SIRPA: variants seen among roughly 807,000 people sequenced by gnomAD.
The protein encoded by SIRPA is tyrosine-protein phosphatase non-receptor type substrate 1.
A neutral mutation model predicts 50.3 loss-of-function variants in SIRPA; 9 were observed. That is an observed-to-expected ratio of 0.18 (90% CI 0.11 to 0.31). The LOEUF (loss-of-function observed/expected upper bound fraction) is 0.31, where lower values mean the gene tolerates loss of function less well. Among genes scored for constraint, SIRPA ranks in the 10% least tolerant of loss-of-function variants. The probability of loss-of-function intolerance (pLI) is 1.00; values close to 1 mark genes in which losing one functional copy is unlikely to be tolerated. For missense variants in SIRPA, 474 were observed against 661.6 expected, an observed-to-expected ratio of 0.72 and a Z score of 3.11; for synonymous variants, 265 against 284.1, an observed-to-expected ratio of 0.93 and a Z score of 0.68.
At chr20:1,917,067 T>G (rs889080340) in intron 2 of SIRPA, among the ~76,000 whole-genome samples, 1 of 152,096 alleles carries the variant, frequency 6.6e-6, no homozygotes, top group Non-Finnish European at 1.5e-5. Context: ...GACCCAGATC[T>G]GCTGACTCCT....
rs1405319470 is a variant in SIRPA at position 1,937,289 on chromosome 20, A to G, written c.1267-31A>G. 2.1e-5 allele frequency: 33 copies of G among 1,600,962 alleles called. No individual in the cohort carries two copies. Among genetic ancestry groups the G allele is most frequent in the African/African-American group, 4.0e-5 (3 of 74,656 alleles). ...CCAGGGGCTATAGAATGACCTTCTC[A>G]TGACTTTCTCTTTGGGTATCTTAAA... On this transcript the variant is annotated intron_variant, in intron 7 of 7. Coordinates refer to ENST00000358771, the MANE Select transcript of SIRPA (RefSeq NM_001040023.2). The surrounding 1 kb of genome is among the most constrained non-coding windows in gnomAD (Gnocchi z 8.3).
intron 1 of SIRPA, among the ~76,000 whole-genome samples, chr20:1,913,647 C>T (rs1025974981): frequency 7.2e-5 from 11 of 152,202 alleles, no homozygotes; most frequent in South Asian, 4.1e-4. Flanking sequence ...ACCTGGTTCT[C>T]TCCTTCTCCC....
In SIRPA at chr20:1,936,751, C is replaced by A. The variant is rs1986596047; in HGVS notation, c.1267-569C>A. Among the ~76,000 whole-genome samples, 1 of 152,152 alleles carries A rather than the reference C, an allele frequency of 6.6e-6. No individual in the cohort carries two copies. Among genetic ancestry groups the A allele is most frequent in the Non-Finnish European group, 1.5e-5 (1 of 68,038 alleles). On this transcript the variant is annotated intron_variant, in intron 7 of 7. Transcript: ENST00000358771. The surrounding 1 kb of genome is among the most constrained non-coding windows in gnomAD (Gnocchi z 4.2). Reference sequence around the variant, plus strand: ...AATAAACGCATACATTAATGAATGTCCCCACACGTACCACCATCAGCAGCA... The same window carrying A: ...AATAAACGCATACATTAATGAATGTACCCACACGTACCACCATCAGCAGCA...
At chr20:1,913,821 T>A (rs6081134) in intron 1 of SIRPA, among the ~76,000 whole-genome samples, 63,354 of 151,970 alleles carry the variant, frequency 0.42, 13,500 homozygotes, top group East Asian at 0.66. Context: ...TTGGTCCCTA[T>A]CCATCTTCAA....
chr20:1,917,357 C>G (rs1985366395), intron 2 of SIRPA, among the ~76,000 whole-genome samples: 2 of 152,198 alleles, frequency 1.3e-5, no homozygotes, highest in Non-Finnish European at 2.9e-5. Context: ...CTCTGTAACA[C>G]TCAGCTATGC....
At chr20:1,895,590 G>A in intron 1 of SIRPA, 64 bp downstream of exon 1, 1 of 1,239,572 alleles carries the variant, frequency 8.1e-7, no homozygotes, top group South Asian at 2.0e-5. Flanking sequence ...CTCTCAGACT[G>A]GCACTGGGAC....
intron 2 of SIRPA, among the ~76,000 whole-genome samples, chr20:1,917,936 G>A (rs1985399610): frequency 6.6e-6 from 1 of 152,180 alleles, no homozygotes; most frequent in Admixed American, 6.5e-5. Context: ...AAGGGAAGGT[G>A]GTGGTCAGTG....
At position 1,932,913 on chromosome 20, in the gene SIRPA, G is replaced by A. The variant is rs1216964350; in HGVS notation, c.1227-1802G>A. Among the ~76,000 whole-genome samples the A allele has an allele frequency of 6.6e-6, 1 of 152,226 alleles. No homozygotes were observed. The highest frequency in any genetic ancestry group is 1.9e-4 in the East Asian group (1 of 5,198). On this transcript the variant is annotated intron_variant, in intron 6 of 7. Coordinates refer to ENST00000358771, the MANE Select transcript of SIRPA (RefSeq NM_001040023.2). The surrounding 1 kb of genome is among the most constrained non-coding windows in gnomAD (Gnocchi z 6.0). ...CACTGAAATAGGAAAATCCAGGGGAGACACAGATATGGGGAAAATGATAAT... is the reference window on the plus strand; with the variant it reads ...CACTGAAATAGGAAAATCCAGGGGAAACACAGATATGGGGAAAATGATAAT...
intron 1 of SIRPA, among the ~76,000 whole-genome samples, chr20:1,909,205 TACAA>T (rs1306483829): frequency 1.3e-5 from 2 of 152,158 alleles, no homozygotes; most frequent in Non-Finnish European, 2.9e-5. Flanking sequence ...GGTCCTTGAG[TACAA>T]ACAAAGAATC....
At chr20:1,915,059 C>T (rs111713867) in intron 1 of SIRPA, 40 bp from the exon 2 acceptor site, 478,262 of 1,366,644 alleles carry the variant, frequency 0.35, 91,396 homozygotes, top group East Asian at 0.65. Flanking sequence ...CAGAGGATCA[C>T]GTAAGGATGA....
In SIRPA at chr20:1,932,994, G is replaced by A. The variant is rs1402793348; in HGVS notation, c.1227-1721G>A. The stretch of plus-strand genomic sequence containing the variant: ...AAGAACCCAATGTTTTGAGAATGGA[G>A]TTTGGGGGTTCAGTGAATATTTCCC... On this transcript the variant is annotated intron_variant, in intron 6 of 7. Transcript: ENST00000358771. The surrounding 1 kb of genome is among the most constrained non-coding windows in gnomAD (Gnocchi z 6.0). Among the ~76,000 whole-genome samples the A allele has an allele frequency of 1.3e-5, 2 of 152,212 alleles. No homozygotes were observed. Among genetic ancestry groups the A allele is most frequent in the Non-Finnish European group, 2.9e-5 (2 of 68,040 alleles).
chr20:1,896,336 C>T (rs1983818070), intron 1 of SIRPA, among the ~76,000 whole-genome samples: 1 of 152,004 alleles, frequency 6.6e-6, no homozygotes, highest in Middle Eastern at 3.2e-3. Flanking sequence ...CTGTCGCCGG[C>T]AGGCGGGCTC....
intron 1 of SIRPA, among the ~76,000 whole-genome samples, chr20:1,896,021 C>T (rs1600382817): frequency 6.6e-6 from 1 of 152,204 alleles, no homozygotes; most frequent in Non-Finnish European, 1.5e-5. Context: ...GAAGAGTGAG[C>T]CCTCCCTCTG....
intron 1 of SIRPA, among the ~76,000 whole-genome samples, chr20:1,911,444 T>C (rs985397152): frequency 6.6e-6 from 1 of 152,216 alleles, no homozygotes; most frequent in African/African-American, 2.4e-5. Flanking sequence ...AAACACAATA[T>C]TATTTAAAAT....
Position 1,905,723 on chromosome 20 carries a change from G to A in SIRPA, c.80-9376G>A, listed in dbSNP as rs1165626401. ...TCTACCTGCTCTCTCAGCCTCTGCCGGTCCCCCGAAGCCTGTTAATTCTAA... is the reference window on the plus strand; with the variant it reads ...TCTACCTGCTCTCTCAGCCTCTGCCAGTCCCCCGAAGCCTGTTAATTCTAA... On this transcript the variant is annotated intron_variant, in intron 1 of 7. Coordinates refer to ENST00000358771, the MANE Select transcript of SIRPA (RefSeq NM_001040023.2). Among the ~76,000 whole-genome samples, 4 of 152,180 alleles carry A rather than the reference G, an allele frequency of 2.6e-5. 1 individual carries two copies. The highest frequency in any genetic ancestry group is 6.3e-3 in the Middle Eastern group (2 of 316).
Position 1,898,199 on chromosome 20 carries a change from G to A in SIRPA, c.79+2673G>A, listed in dbSNP as rs1280992201. On this transcript the variant is annotated intron_variant, in intron 1 of 7. Transcript: ENST00000358771. The surrounding 1 kb of genome is among the most constrained non-coding windows in gnomAD (Gnocchi z 4.3). ...ACCGTTTGGTAGAGGGTGGCACTCT[G>A]GGGGCTCCTCTGTACTTTCCTAAAT... is the stretch of plus-strand genomic sequence containing the variant. 6.6e-6 allele frequency among the ~76,000 whole-genome samples: 1 copy of A among 152,252 alleles called. No individual in the cohort carries two copies. The highest frequency in any genetic ancestry group is 1.9e-4 in the East Asian group (1 of 5,204).
At chr20:1,909,031 A>G (rs1422261895) in intron 1 of SIRPA, among the ~76,000 whole-genome samples, 1 of 152,196 alleles carries the variant, frequency 6.6e-6, no homozygotes, top group Admixed American at 6.5e-5. Context: ...GCAGCCCCCG[A>G]TGAGGAGCTG....
At chr20:1,894,523 G>C (rs1349643198), upstream of SIRPA, 3 of 151,882 alleles carry the variant, frequency 2.0e-5, no homozygotes, top group African/African-American at 7.3e-5. This position sits in a 1 kb window ranked among gnomAD's most constrained non-coding sequence, Gnocchi z 4.0. Context: ...CGCAGGTCCG[G>C]GCCCGGCAGG....
At position 1,896,187 on chromosome 20, in the gene SIRPA, C is replaced by T. The variant is rs144780677; in HGVS notation, c.79+661C>T. On this transcript the variant is annotated intron_variant, in intron 1 of 7. Coordinates refer to ENST00000358771, the MANE Select transcript of SIRPA (RefSeq NM_001040023.2). ...CCAAAGCCTCTCCCTGGTGGTCTTGCTCCTTGAGGCGCTCCCAGCTCCCCC... is the reference window on the plus strand; with the variant it reads ...CCAAAGCCTCTCCCTGGTGGTCTTGTTCCTTGAGGCGCTCCCAGCTCCCCC... 3.1e-3 allele frequency among the ~76,000 whole-genome samples: 467 copies of T among 152,354 alleles called. 5 individuals are homozygous for T. The highest frequency in any genetic ancestry group is 0.01 in the African/African-American group (431 of 41,586).
Sources: gnomAD v4.1 joint callset for allele counts (sites outside exome capture counted in the v4.1 genomes callset) on GRCh38, gnomAD v4.1.1 for gene constraint, Gnocchi (gnomAD v3.1) non-coding constraint, MANE v1.5 for transcripts, NCBI Gene and HGNC (gene_info 2026-07-23, HGNC 2026-07-21) for gene names.